Variants in JUP observed in about 807,000 individuals in gnomAD.
JUP encodes the protein catenin (cadherin-associated protein), gamma 80kDa.
JUP carries 28 observed loss-of-function variants against 71.1 expected under a neutral mutation model. The observed-to-expected ratio is 0.39, with a 90% CI of 0.29 to 0.54. The LOEUF (loss-of-function observed/expected upper bound fraction) is 0.54. JUP is among the 20% of genes least tolerant of loss of function. JUP has a pLI of 0.62. For missense variants in JUP, 869 were observed against 1,030.1 expected, an observed-to-expected ratio of 0.84 and a Z score of 2.14; for synonymous variants, 401 against 438.9, an observed-to-expected ratio of 0.91 and a Z score of 1.08.
intron 2 of JUP, among the ~76,000 whole-genome samples, chr17:41,769,901 A>G (rs1248342062): frequency 9.6e-6 from 1 of 104,114 alleles, no homozygotes; most frequent in African/African-American, 4.0e-5. Flanking sequence ...TCTGTCCATC[A>G]AGGGAATTTT....
intron 1 of JUP, among the ~76,000 whole-genome samples, chr17:41,778,702 G>A (rs879998739): frequency 1.1e-4 from 16 of 151,676 alleles, no homozygotes; most frequent in Non-Finnish European, 1.8e-4. Flanking sequence ...ACGAGGTCAG[G>A]AGATCGAGAC....
chr17:41,770,574 C>A (rs532109311), intron 2 of JUP, among the ~76,000 whole-genome samples: 1 of 152,168 alleles, frequency 6.6e-6, no homozygotes, highest in East Asian at 1.9e-4. Context: ...GACTGGCATG[C>A]GAGGGCTGAG....
chr17:41,760,093 G>T (rs1001971673), intron 8 of JUP, among the ~76,000 whole-genome samples: 1 of 151,240 alleles, frequency 6.6e-6, no homozygotes, highest in African/African-American at 2.4e-5. Flanking sequence ...AACCTGGGAG[G>T]CGGAGGTTGC....
intron 10 of JUP, chr17:41,758,084 T>C (rs1300849791): frequency 3.8e-6 from 2 of 530,110 alleles, no homozygotes; most frequent in Non-Finnish European, 6.6e-6. Flanking sequence ...TTCTCCCAGT[T>C]TGCTGATTTT....
chr17:41,762,167 GAGAGAGAGAGTGT>G (rs1914963952), intron 8 of JUP, among the ~76,000 whole-genome samples: 1 of 53,582 alleles, frequency 1.9e-5, no homozygotes, highest in African/African-American at 5.8e-5. Flanking sequence ...GAGAGAGAGA[GAGAGAGAGAGTGT>G]GTGTGTGTGT....
chr17:41,757,246 A>G lies in JUP; in HGVS notation c.2046+169T>C, dbSNP rs77588113. Among the ~76,000 whole-genome samples, 2,808 of 152,352 alleles carry G rather than the reference A, an allele frequency of 0.018. 83 individuals carry two copies. Among genetic ancestry groups the G allele is most frequent in the African/African-American group, 0.058 (2,396 of 41,580 alleles). ...CAAAATAAAAATTGGCATTTTGTGG[A>G]TATATGATTCAACCCACTACTTCCA... On this transcript the variant is annotated intron_variant, in intron 12 of 13. Transcript: ENST00000393931.
chr17:41,768,600 AG>A (rs1205299679), intron 4 of JUP, among the ~76,000 whole-genome samples: 4 of 151,488 alleles, frequency 2.6e-5, no homozygotes, highest in African/African-American at 9.7e-5. Flanking sequence ...CACATTTTGT[AG>A]GGGGCCAGGA....
chr17:41,777,895 G>A (rs1423424162), intron 1 of JUP, among the ~76,000 whole-genome samples: 3 of 152,342 alleles, frequency 2.0e-5, no homozygotes, highest in South Asian at 2.1e-4. Flanking sequence ...CTGGAGCTCC[G>A]TTCCCTGCTG....
At chr17:41,775,196 TG>T in intron 1 of JUP, among the ~76,000 whole-genome samples, 1 of 151,514 alleles carries the variant, frequency 6.6e-6, no homozygotes, top group East Asian at 1.9e-4. Flanking sequence ...AAAGGAATGT[TG>T]ATGTCTAAGA....
chr17:41,776,427 C>A (rs1322322670), intron 1 of JUP, among the ~76,000 whole-genome samples: 1 of 152,230 alleles, frequency 6.6e-6, no homozygotes, highest in Non-Finnish European at 1.5e-5. Context: ...GCAGAGGAGG[C>A]GGAAGCCAGC....
chr17:41,757,724 C>A lies in JUP; in HGVS notation c.1834G>T (p.Ala612Ser). 6.2e-7 allele frequency: 1 copy of A among 1,613,116 alleles called. No individual in the cohort carries two copies. Among genetic ancestry groups the A allele is most frequent in the Non-Finnish European group, 8.5e-7 (1 of 1,179,442 alleles). ...GCGTCGGCCGCCTCCTTGTCCTGGGCCAGCTCACACAGCACCCCGGCAGCC... is the reference window on the plus strand; with the variant it reads ...GCGTCGGCCGCCTCCTTGTCCTGGGACAGCTCACACAGCACCCCGGCAGCC... ...RVAAGVLCEL[A>S]QDKEAADAID... Residue 612 changes from alanine (A) to serine (S), a missense_variant, in exon 11 of 14, where the codon GCC becomes TCC. Coordinates refer to ENST00000393931, the MANE Select transcript of JUP (RefSeq NM_002230.4).
chr17:41,755,959 A>G, intron 13 of JUP, 64 bp from the exon 14 acceptor site: 7 of 1,564,240 alleles, frequency 4.5e-6, no homozygotes, highest in Non-Finnish European at 5.2e-6. Flanking sequence ...AGCAGTCTGC[A>G]CAGCCTTCAG....
intron 1 of JUP, among the ~76,000 whole-genome samples, chr17:41,785,543 G>A (rs1446479530): frequency 1.1e-4 from 16 of 152,178 alleles, no homozygotes; most frequent in Admixed American, 9.2e-4. Flanking sequence ...CCCAGGCACC[G>A]GCCCAGGTTC....
At chr17:41,762,493 C>T (rs1283598847) in intron 8 of JUP, among the ~76,000 whole-genome samples, 2 of 152,054 alleles carry the variant, frequency 1.3e-5, no homozygotes, top group Non-Finnish European at 2.9e-5. Flanking sequence ...TGTGCTCAAG[C>T]GATCCTCCGA....
intron 10 of JUP, 143 bp downstream of exon 10, chr17:41,758,256 G>C (rs782406968): frequency 5.0e-6 from 5 of 1,003,664 alleles, no homozygotes; most frequent in Non-Finnish European, 7.5e-6. Context: ...TTGCTAAGTA[G>C]TCAATCTGGA....
chr17:41,785,576 G>A (rs1418384004), intron 1 of JUP, among the ~76,000 whole-genome samples: 1 of 152,228 alleles, frequency 6.6e-6, no homozygotes, highest in Non-Finnish European at 1.5e-5. Flanking sequence ...GCTGGGGGAA[G>A]GGGTTTTGCA....
intron 2 of JUP, among the ~76,000 whole-genome samples, chr17:41,771,161 C>T (rs1278008193): frequency 6.6e-6 from 1 of 152,208 alleles, no homozygotes; most frequent in Admixed American, 6.5e-5. Flanking sequence ...TCCCAAGTAG[C>T]TGGGACTACA....
intron 8 of JUP, among the ~76,000 whole-genome samples, chr17:41,760,807 C>T (rs372425902): frequency 5.3e-4 from 80 of 152,078 alleles, no homozygotes; most frequent in Non-Finnish European, 9.4e-4. Context: ...GTAATCCTCC[C>T]GCCCCGTCCT....
At chr17:41,758,304 G>A in intron 10 of JUP, 95 bp downstream of exon 10, 1 of 1,549,336 alleles carries the variant, frequency 6.5e-7, no homozygotes, top group Non-Finnish European at 8.8e-7. Context: ...AAGACCTCTT[G>A]ATACCTGGTC....
Sources: allele counts gnomAD v4.1 joint callset (sites outside exome capture counted in the v4.1 genomes callset), GRCh38; gene constraint gnomAD v4.1.1; transcripts MANE v1.5; gene names NCBI Gene and HGNC (gene_info 2026-07-23, HGNC 2026-07-21).